Variants in MDGA2 observed in about 807,000 individuals in gnomAD.
MDGA2 encodes MAM domain-containing glycosylphosphatidylinositol anchor protein 2.
Under a neutral mutation model 117.8 loss-of-function variants are expected in MDGA2, and 40 were observed. The ratio of observed to expected loss-of-function variants is 0.34; its 90% CI spans 0.26 to 0.44. MDGA2 has a LOEUF of 0.44. MDGA2 is among the 20% of genes least tolerant of loss of function. The pLI is 1.00. For missense variants in MDGA2, 1,123 were observed against 1,250.6 expected (o/e 0.90, Z 1.54); for synonymous variants, 452 against 439.0 (o/e 1.03, Z -0.37).
At chr14:47,536,477 G>A (rs1041388246) in intron 1 of MDGA2, among the ~76,000 whole-genome samples, 3 of 152,218 alleles carry the variant, frequency 2.0e-5, no homozygotes, top group African/African-American at 7.2e-5. Context: ...GCAGATGGGA[G>A]TTTCCAAGCA....
intron 7 of MDGA2, among the ~76,000 whole-genome samples, chr14:47,054,208 T>C (rs897038514): frequency 1.3e-5 from 2 of 152,020 alleles, no homozygotes; most frequent in African/African-American, 2.4e-5. Flanking sequence ...TCATTCTATT[T>C]CCTCAAACTT....
intron 3 of MDGA2, among the ~76,000 whole-genome samples, chr14:47,183,586 T>C (rs371170967): frequency 6.6e-6 from 1 of 152,258 alleles, no homozygotes; most frequent in South Asian, 2.1e-4. Context: ...GCATCTTAAA[T>C]AAGCAACAGT....
At chr14:47,566,392 C>T (rs1017491706) in intron 1 of MDGA2, among the ~76,000 whole-genome samples, 1 of 152,206 alleles carries the variant, frequency 6.6e-6, no homozygotes, top group African/African-American at 2.4e-5. Context: ...CCCTGTCTCA[C>T]AGGCAAGATC....
At chr14:47,048,996 C>A (rs866138522) in intron 7 of MDGA2, among the ~76,000 whole-genome samples, 1 of 151,978 alleles carries the variant, frequency 6.6e-6, no homozygotes, top group Non-Finnish European at 1.5e-5. Context: ...TGGACTAATA[C>A]GTGTGAAGAG....
chr14:47,165,580 A>C (rs571742721), intron 3 of MDGA2, among the ~76,000 whole-genome samples: 1 of 152,168 alleles, frequency 6.6e-6, no homozygotes, highest in African/African-American at 2.4e-5. Context: ...AACAGTCTAC[A>C]GATCTTAGGG....
At chr14:46,923,810 GAC>G (rs1026693368) in intron 9 of MDGA2, among the ~76,000 whole-genome samples, 12 of 152,084 alleles carry the variant, frequency 7.9e-5, no homozygotes, top group African/African-American at 2.9e-4. Flanking sequence ...TCATAAGAAA[GAC>G]ACAGTAAAAC....
chr14:47,362,096 T>C (rs1489664034), intron 1 of MDGA2, among the ~76,000 whole-genome samples: 2 of 152,182 alleles, frequency 1.3e-5, no homozygotes, highest in African/African-American at 4.8e-5. Flanking sequence ...GAGTCCTGAA[T>C]CTTGAACTAG....
chr14:47,218,066 C>G lies in MDGA2; in HGVS notation c.550G>C (p.Gly184Arg), dbSNP rs2139511583. The change falls in exon 3 of 17, where the codon GGC (glycine) becomes CGC (arginine). Residue 184 changes from glycine (G) to arginine (R), a missense_variant. By Grantham distance (125) the Gly-to-Arg change is moderately radical. Around this residue, in one of 2 missense-constraint regions of MDGA2, gnomAD observed 890 missense variants for 1,050.3 expected, o/e 0.85. Transcript: ENST00000399232. ...GACTTTATCGCTGGAGACCCCAAGC[C>G]ATTCTCTGCTTTACAGTAATACCGG... ...GGRYYCKAEN[G>R]LGSPAIKSIR... 1 of 1,551,226 alleles carries G rather than the reference C, an allele frequency of 6.4e-7. No homozygotes were observed. Among genetic ancestry groups the G allele is most frequent in the Middle Eastern group, 1.7e-4 (1 of 5,990 alleles).
intron 1 of MDGA2, among the ~76,000 whole-genome samples, chr14:47,619,202 G>T (rs1215711831): frequency 6.6e-6 from 1 of 150,556 alleles, no homozygotes; most frequent in South Asian, 2.1e-4. Context: ...TGTCTATACC[G>T]CACCTAGCAT....
intron 1 of MDGA2, among the ~76,000 whole-genome samples, chr14:47,389,693 C>T (rs945446041): frequency 3.3e-5 from 5 of 151,786 alleles, no homozygotes; most frequent in Admixed American, 6.6e-5. Context: ...AGTGAGAAGG[C>T]AAAATACCGC....
At position 47,144,080 on chromosome 14, in the gene MDGA2, G is replaced by C; in HGVS notation, c.790C>G (p.Gln264Glu). Residue 264 changes from glutamine (Q) to glutamate (E), a missense_variant and splice_region_variant, in exon 4 of 17, where the codon CAG (glutamine) becomes GAG (glutamate). Transcript: ENST00000399232. The stretch of plus-strand genomic sequence containing the variant: ...AAATACTGTACCTTAATTCATACCT[G>C]GGTAAAGAATGGTTCATAAATCTCA... ...GVEIYEPFFT[Q>E]GETKILKLKN... The C allele has an allele frequency of 6.5e-7, 1 of 1,546,194 alleles. No individual in the cohort carries two copies. Among genetic ancestry groups the C allele is most frequent in the South Asian group, 1.2e-5 (1 of 83,334 alleles).
At chr14:46,964,242 C>T (rs1460308640) in intron 8 of MDGA2, among the ~76,000 whole-genome samples, 1 of 151,982 alleles carries the variant, frequency 6.6e-6, no homozygotes, top group African/African-American at 2.4e-5. Flanking sequence ...CACAAGAAAC[C>T]ATCTTGGACA....
rs918010281 is a variant in MDGA2, at chr14:46,882,372, A to T, written c.2239-151T>A. 22 of 633,596 alleles carry T rather than the reference A, an allele frequency of 3.5e-5. No homozygotes were observed. The African/African-American group carries it at 4.2e-4, about 12-fold the overall frequency. 39.2% of individuals were successfully genotyped at this position (633,596 alleles called of 1,614,324 possible). ...AAAGTTCAAGTTTCTATAATGATAA[A>T]CAAATTTTGAGATGTTTGCATGCAT... On this transcript the variant is annotated intron_variant, in intron 10 of 16. Coordinates refer to ENST00000399232, the MANE Select transcript of MDGA2 (RefSeq NM_001113498.3).
chr14:47,445,775 TG>T (rs1893109330), intron 1 of MDGA2, among the ~76,000 whole-genome samples: 1 of 152,048 alleles, frequency 6.6e-6, no homozygotes, highest in Non-Finnish European at 1.5e-5. Context: ...AGAGAAAAAT[TG>T]CTGCACACCA....
At chr14:46,968,776 G>A (rs1886138445) in intron 8 of MDGA2, among the ~76,000 whole-genome samples, 1 of 151,226 alleles carries the variant, frequency 6.6e-6, no homozygotes, top group Non-Finnish European at 1.5e-5. Context: ...GGCAGAGGTT[G>A]CAGTGAGCTG....
intron 1 of MDGA2, among the ~76,000 whole-genome samples, chr14:47,651,629 A>T (rs1267113763): frequency 6.6e-6 from 1 of 152,116 alleles, no homozygotes; most frequent in African/African-American, 2.4e-5. Context: ...GTAGGGAGTT[A>T]TATGAAGCAT....
intron 2 of MDGA2, among the ~76,000 whole-genome samples, chr14:47,244,275 T>C (rs1887166251): frequency 6.6e-6 from 1 of 151,866 alleles, no homozygotes. Flanking sequence ...AATTTTAAAG[T>C]ATTTAAATAA....
At chr14:46,943,699 GC>G (rs1885074625) in intron 9 of MDGA2, among the ~76,000 whole-genome samples, 1 of 151,918 alleles carries the variant, frequency 6.6e-6, no homozygotes. Flanking sequence ...CATCGCTTGT[GC>G]TATTGGCATG....
chr14:46,959,971 C>G (rs1311040050), intron 8 of MDGA2, among the ~76,000 whole-genome samples: 2 of 152,074 alleles, frequency 1.3e-5, no homozygotes, highest in African/African-American at 4.8e-5. Context: ...CACCTGTAAT[C>G]TCAGCACTTT....
Sources: gnomAD v4.1 joint callset for allele counts (sites outside exome capture counted in the v4.1 genomes callset) on GRCh38, gnomAD v4.1.1 for gene constraint, gnomAD v4.1.1 regional missense constraint, MANE v1.5 for transcripts, NCBI Gene and HGNC (gene_info 2026-07-23, HGNC 2026-07-21) for gene names.